Variants in ZNF148 observed in about 807,000 individuals in gnomAD.
ZNF148 encodes zinc finger protein 148, also known as Beta-Enolase Repressor Factor-1.
ZNF148 carries 7 observed loss-of-function variants against 67.7 expected under a neutral mutation model. That is an observed-to-expected ratio of 0.10 (90% confidence interval 0.06 to 0.19). The LOEUF (loss-of-function observed/expected upper bound fraction) is 0.19, where lower values mean the gene tolerates loss of function less well. Among genes scored for constraint, ZNF148 ranks in the 10% least tolerant of loss-of-function variants. ZNF148 has a pLI of 1.00. For missense variants in ZNF148, 583 were observed against 947.1 expected (o/e 0.62, Z 5.05); for synonymous variants, 333 against 330.7 (o/e 1.01, Z -0.08).
intron 1 of ZNF148, among the ~76,000 whole-genome samples, chr3:125,335,087 T>TTC (rs10663485): frequency 0.79 from 120,216 of 151,918 alleles, 48,401 homozygotes; most frequent in African/African-American, 0.92. Context: ...CCCCCTTTTA[T>TTC]TGTTATACAT....
At chr3:125,237,979 T>A (rs999240881) in intron 7 of ZNF148, among the ~76,000 whole-genome samples, 2 of 152,066 alleles carry the variant, frequency 1.3e-5, no homozygotes, top group African/African-American at 2.4e-5. Flanking sequence ...CAAAAGTAAA[T>A]CCTTACATTT....
At chr3:125,274,405 A>G (rs1003803579) in intron 7 of ZNF148, among the ~76,000 whole-genome samples, 2 of 152,226 alleles carry the variant, frequency 1.3e-5, no homozygotes, top group Non-Finnish European at 2.9e-5. Context: ...GATATTTACA[A>G]TGTGGCAGTT....
chr3:125,231,254 A>G lies in ZNF148; in HGVS notation c.*1087T>C, dbSNP rs533096144. ...CAATCTATCAAGAGTCTAGAAAGAAAAAGATTAAACCAGGTTTTACAGTTC... is the reference window on the plus strand; with the variant it reads ...CAATCTATCAAGAGTCTAGAAAGAAGAAGATTAAACCAGGTTTTACAGTTC... On this transcript the variant is annotated 3_prime_UTR_variant, in exon 9 of 9. Coordinates refer to ENST00000360647, the MANE Select transcript of ZNF148 (RefSeq NM_021964.3). 6.5e-6 allele frequency: 1 copy of G among 152,674 alleles called. No individual in the cohort carries two copies. Among genetic ancestry groups the G allele is most frequent in the South Asian group, 2.1e-4 (1 of 4,830 alleles). 9.5% of individuals were successfully genotyped at this position (152,674 alleles called of 1,614,324 possible). A position where few individuals can be genotyped will look rare whatever the true frequency, so the allele number is the denominator to read the frequency against.
intron 1 of ZNF148, among the ~76,000 whole-genome samples, chr3:125,373,520 C>T (rs943031455): frequency 3.9e-5 from 6 of 152,080 alleles, no homozygotes; most frequent in African/African-American, 1.4e-4. Flanking sequence ...GAGCTTGGTT[C>T]ATTTCCTGAC....
intron 4 of ZNF148, among the ~76,000 whole-genome samples, chr3:125,288,793 C>G (rs1331800832): frequency 6.6e-6 from 1 of 152,116 alleles, no homozygotes; most frequent in Non-Finnish European, 1.5e-5. Context: ...TCAGCCAGTA[C>G]TTTCCTGGGC....
At position 125,232,315 on chromosome 3, in the gene ZNF148, G is replaced by GT; in HGVS notation, c.*25dup. The GT allele has an allele frequency of 6.4e-7, 1 of 1,566,148 alleles. No homozygotes were observed. ...TTGATTAATCTGTTCTAAAGTGCCA[G>GT]TATTATTTACACTTTTTTTTTTTTT... On this transcript the variant is annotated 3_prime_UTR_variant, in exon 9 of 9. Coordinates refer to ENST00000360647, the MANE Select transcript of ZNF148 (RefSeq NM_021964.3). The surrounding 1 kb of genome is among the most constrained non-coding windows in gnomAD (Gnocchi z 4.2).
chr3:125,281,752 T>TA (rs1299553445), intron 5 of ZNF148, among the ~76,000 whole-genome samples: 1 of 152,226 alleles, frequency 6.6e-6, no homozygotes, highest in Non-Finnish European at 1.5e-5. Context: ...GCCTTGTGGA[T>TA]AAACACACAG....
chr3:125,344,343 A>C (rs1196916311), intron 1 of ZNF148: 2 of 568,492 alleles, frequency 3.5e-6, no homozygotes, highest in Non-Finnish European at 6.4e-6. Flanking sequence ...CAAAAGAAGA[A>C]AATCCACTTC....
chr3:125,322,178 C>T (rs181527068), intron 3 of ZNF148, among the ~76,000 whole-genome samples: 1 of 151,832 alleles, frequency 6.6e-6, no homozygotes, highest in East Asian at 1.9e-4. Flanking sequence ...TACAGGGGCC[C>T]ACCACCTCGC....
At chr3:125,323,152 T>G (rs560596695) in intron 3 of ZNF148, among the ~76,000 whole-genome samples, 157 bp downstream of exon 3, 52 of 152,250 alleles carry the variant, frequency 3.4e-4, no homozygotes, top group African/African-American at 1.2e-3. Context: ...AAATTTCTTT[T>G]CTCAGGAAAA....
intron 7 of ZNF148, among the ~76,000 whole-genome samples, chr3:125,242,237 G>A (rs1936397357): frequency 6.6e-6 from 1 of 152,264 alleles, no homozygotes; most frequent in Middle Eastern, 3.4e-3. Context: ...ACTGGATTTT[G>A]AGTGTTATTT....
Position 125,229,728 on chromosome 3 carries a change from CA to C in ZNF148, c.*2612del, listed in dbSNP as rs1377616900. On this transcript the variant is annotated 3_prime_UTR_variant, in exon 9 of 9. Transcript: ENST00000360647. ...TTGCAGAAGAATATCTCATATCCTC[CA>C]TGTTTCAATCTGAAGCAGCACACAA... 1 of 152,120 alleles carries C rather than the reference CA, an allele frequency of 6.6e-6. No individual in the cohort carries two copies. The highest frequency in any genetic ancestry group is 1.5e-5 in the Non-Finnish European group (1 of 68,008). The allele number at this position is 152,120 out of a possible 1,614,324, so 9.4% of individuals were successfully genotyped here. A position where few individuals can be genotyped will look rare whatever the true frequency, so the allele number is the denominator to read the frequency against.
chr3:125,339,145 T>G (rs894810961), intron 1 of ZNF148, among the ~76,000 whole-genome samples: 1 of 152,168 alleles, frequency 6.6e-6, no homozygotes, highest in Non-Finnish European at 1.5e-5. Flanking sequence ...CCCAAGTTGC[T>G]GAGATTACAG....
At chr3:125,322,098 C>T (rs1181576807) in intron 3 of ZNF148, among the ~76,000 whole-genome samples, 2 of 133,208 alleles carry the variant, frequency 1.5e-5, no homozygotes, top group South Asian at 2.4e-4. Context: ...GGTGCCATCT[C>T]AGCTCACTGC....
chr3:125,250,928 C>T (rs1038305088), intron 7 of ZNF148, among the ~76,000 whole-genome samples: 3 of 152,132 alleles, frequency 2.0e-5, no homozygotes, highest in African/African-American at 4.8e-5. Context: ...TTCAAACATA[C>T]ACAAAAGTAG....
intron 7 of ZNF148, among the ~76,000 whole-genome samples, chr3:125,248,821 T>G (rs1325619233): frequency 6.6e-6 from 1 of 152,222 alleles, no homozygotes; most frequent in Non-Finnish European, 1.5e-5. Context: ...CTATCTCTTC[T>G]GGATTTGGCT....
chr3:125,303,199 G>C (rs1939686975), intron 4 of ZNF148, among the ~76,000 whole-genome samples: 1 of 152,196 alleles, frequency 6.6e-6, no homozygotes, highest in Non-Finnish European at 1.5e-5. Flanking sequence ...GGATATTCAG[G>C]GGTTAGGAAT....
At chr3:125,273,106 T>G (rs979993793) in intron 7 of ZNF148, among the ~76,000 whole-genome samples, 8 of 152,242 alleles carry the variant, frequency 5.3e-5, no homozygotes, top group African/African-American at 1.9e-4. Flanking sequence ...AACTAATTTT[T>G]ATCGATAACT....
chr3:125,329,340 TAAA>T (rs749883896), intron 2 of ZNF148, among the ~76,000 whole-genome samples: 222 of 10,978 alleles, frequency 0.02, 3 homozygotes, highest in African/African-American at 0.072. Context: ...TATATATATA[TAAA>T]ATTTTACATA....
Sources: gnomAD v4.1 joint callset for allele counts (sites outside exome capture counted in the v4.1 genomes callset) on GRCh38, gnomAD v4.1.1 for gene constraint, Gnocchi (gnomAD v3.1) non-coding constraint, MANE v1.5 for transcripts, NCBI Gene and HGNC (gene_info 2026-07-23, HGNC 2026-07-21) for gene names.